ADCY5: variants seen among roughly 807,000 people sequenced by gnomAD.
ADCY5 encodes adenylate cyclase 5, also known as adenylate cyclase type 5.
A neutral mutation model predicts 119.7 loss-of-function variants in ADCY5; 30 were observed. The observed-to-expected ratio is 0.25, with a 90% CI of 0.19 to 0.34. The LOEUF is 0.34. Among genes scored for constraint, ADCY5 ranks in the 10% least tolerant of loss-of-function variants. The pLI, the probability that ADCY5 is intolerant of heterozygous loss-of-function variation, is 1.00. For missense variants in ADCY5, 1,324 were observed against 1,775.2 expected, an observed-to-expected ratio of 0.75 and a Z score of 4.57; for synonymous variants, 753 against 762.2, an observed-to-expected ratio of 0.99 and a Z score of 0.20.
chr3:123,434,276 A>T (rs2107648419), intron 1 of ADCY5, among the ~76,000 whole-genome samples: 1 of 152,354 alleles, frequency 6.6e-6, no homozygotes, highest in East Asian at 1.9e-4. Flanking sequence ...CCTCCTCTCC[A>T]AAACCACATC....
At chr3:123,370,717 C>T (rs1393041849) in intron 1 of ADCY5, among the ~76,000 whole-genome samples, 1 of 152,204 alleles carries the variant, frequency 6.6e-6, no homozygotes, top group Non-Finnish European at 1.5e-5. Flanking sequence ...TTTGTTACGG[C>T]AGCTTAGCCT....
chr3:123,340,820 C>A (rs945972335), intron 3 of ADCY5, among the ~76,000 whole-genome samples: 1 of 152,128 alleles, frequency 6.6e-6, no homozygotes, highest in Admixed American at 6.6e-5. Flanking sequence ...TCTAGATATA[C>A]ACCCACCAAA....
intron 1 of ADCY5, among the ~76,000 whole-genome samples, chr3:123,417,861 T>C (rs554114553): frequency 1.3e-5 from 2 of 152,288 alleles, no homozygotes; most frequent in East Asian, 1.9e-4. Context: ...GAAAATGATA[T>C]AAATGAAGGC....
At chr3:123,386,301 C>A (rs972804720) in intron 1 of ADCY5, among the ~76,000 whole-genome samples, 3 of 152,108 alleles carry the variant, frequency 2.0e-5, no homozygotes, top group Admixed American at 2.0e-4. Context: ...TAACGTCAAC[C>A]AGGAGCCCCG....
intron 1 of ADCY5, among the ~76,000 whole-genome samples, chr3:123,439,568 T>C (rs1026402732): frequency 1.3e-5 from 2 of 152,220 alleles, no homozygotes; most frequent in East Asian, 3.8e-4. Flanking sequence ...ATCACAAGTA[T>C]AGATATACAG....
chr3:123,333,337 C>A (rs774766531), intron 3 of ADCY5, among the ~76,000 whole-genome samples: 1 of 152,192 alleles, frequency 6.6e-6, no homozygotes. Flanking sequence ...TGTCTGTAAG[C>A]CCCCGTTCTT....
At chr3:123,428,670 C>G (rs751137081) in intron 1 of ADCY5, among the ~76,000 whole-genome samples, 20 of 152,198 alleles carry the variant, frequency 1.3e-4, no homozygotes, top group Non-Finnish European at 2.5e-4. Flanking sequence ...GAAAGGAGAA[C>G]CTGATAACGT....
At chr3:123,425,122 C>T (rs1945378346) in intron 1 of ADCY5, among the ~76,000 whole-genome samples, 1 of 2,892 alleles carries the variant, frequency 3.5e-4, no homozygotes, top group Non-Finnish European at 0.014. Flanking sequence ...TCCTGGTGCA[C>T]ACAGGTTATG....
At chr3:123,415,243 T>C (rs1945158297) in intron 1 of ADCY5, among the ~76,000 whole-genome samples, 1 of 152,172 alleles carries the variant, frequency 6.6e-6, no homozygotes, top group African/African-American at 2.4e-5. Flanking sequence ...ATCATAAAAC[T>C]TCCTTTGGCT....
At chr3:123,444,943 G>C (rs552118531) in intron 1 of ADCY5, among the ~76,000 whole-genome samples, 3 of 152,324 alleles carry the variant, frequency 2.0e-5, no homozygotes, top group South Asian at 4.2e-4. Flanking sequence ...CTGAGGCAGA[G>C]GTTAATGCTG....
At chr3:123,419,307 C>A (rs1009941304) in intron 1 of ADCY5, 15 of 573,206 alleles carry the variant, frequency 2.6e-5, no homozygotes, top group Admixed American at 2.5e-4. Flanking sequence ...CTTTGAATGG[C>A]AGCACTATTC....
intron 3 of ADCY5, among the ~76,000 whole-genome samples, chr3:123,338,959 G>A (rs928788120): frequency 2.6e-5 from 4 of 152,180 alleles, no homozygotes; most frequent in African/African-American, 9.7e-5. Flanking sequence ...GTGGTCTAGG[G>A]GGGCCTGTAG....
chr3:123,386,982 G>A (rs555602663), intron 1 of ADCY5, among the ~76,000 whole-genome samples: 5 of 152,270 alleles, frequency 3.3e-5, no homozygotes, highest in Admixed American at 6.5e-5. Flanking sequence ...GGATCCATAA[G>A]AAAGTGCTGG....
intron 1 of ADCY5, chr3:123,416,302 AG>A: frequency 6.5e-7 from 1 of 1,535,932 alleles, no homozygotes; most frequent in South Asian, 1.2e-5. Flanking sequence ...TTCCCCAAAA[AG>A]GGGCTAAAGG....
rs573147776 is a variant in ADCY5, at chr3:123,364,857, C to A, written c.1135-12276G>T. Among the ~76,000 whole-genome samples, 154 of 151,840 alleles carry A rather than the reference C, an allele frequency of 1.0e-3. 1 individual carries two copies. Among genetic ancestry groups the A allele is most frequent in the Admixed American group, 3.4e-3 (52 of 15,256 alleles). ...TCTTTTACTTCCTTTTTAAAAAAAT[C>A]TACTTACGGCTTTTTGTTTTTGCTT... On this transcript the variant is annotated intron_variant, in intron 1 of 20. Coordinates refer to ENST00000462833, the MANE Select transcript of ADCY5 (RefSeq NM_183357.3).
intron 12 of ADCY5, among the ~76,000 whole-genome samples, chr3:123,304,585 G>A (rs1940096791): frequency 6.6e-6 from 1 of 152,154 alleles, no homozygotes; most frequent in African/African-American, 2.4e-5. Context: ...GGGTTGAGAA[G>A]GCTTCTGGGA....
intron 1 of ADCY5, among the ~76,000 whole-genome samples, chr3:123,373,624 G>A (rs1227730323): frequency 6.6e-6 from 1 of 152,232 alleles, no homozygotes; most frequent in Non-Finnish European, 1.5e-5. Flanking sequence ...CACCCCAAGT[G>A]CTAGCACAAG....
At chr3:123,338,871 T>G (rs1942148275) in intron 3 of ADCY5, among the ~76,000 whole-genome samples, 1 of 152,264 alleles carries the variant, frequency 6.6e-6, no homozygotes, top group African/African-American at 2.4e-5. Flanking sequence ...CCCATGACTT[T>G]ATGAAGCTGT....
At chr3:123,435,234 C>G (rs543012843) in intron 1 of ADCY5, among the ~76,000 whole-genome samples, 1 of 152,198 alleles carries the variant, frequency 6.6e-6, no homozygotes, top group East Asian at 1.9e-4. Flanking sequence ...TGCAATGAGC[C>G]GTGATTGCAC....
Sources: gnomAD v4.1 joint callset for allele counts (sites outside exome capture counted in the v4.1 genomes callset) on GRCh38, gnomAD v4.1.1 for gene constraint, MANE v1.5 for transcripts, NCBI Gene and HGNC (gene_info 2026-07-23, HGNC 2026-07-21) for gene names.